HR: variants seen among roughly 807,000 people sequenced by gnomAD.
HR encodes the protein lysine-specific demethylase hairless.
In HR, 83 loss-of-function variants were observed where a neutral mutation model predicts 128.6. The observed-to-expected ratio is 0.65, with a 90% CI of 0.54 to 0.77. HR has a LOEUF of 0.77. HR is among the 30% of genes least tolerant of loss of function. The pLI is 0.00. For missense variants in HR, 1,490 were observed against 1,574.6 expected (o/e 0.95, Z 0.91); for synonymous variants, 681 against 658.2 (o/e 1.03, Z -0.53).
Position 22,116,245 on chromosome 8 carries a change from G to A in HR, c.3507+55C>T, listed in dbSNP as rs528816582. 3.4e-5 allele frequency: 54 copies of A among 1,610,266 alleles called. 1 individual carries two copies. The South Asian group carries it at 5.5e-4, about 16-fold the overall frequency. On this transcript the variant is annotated intron_variant, in intron 18 of 18. Coordinates refer to ENST00000381418, the MANE Select transcript of HR (RefSeq NM_005144.5). The surrounding 1 kb of genome is among the most constrained non-coding windows in gnomAD (Gnocchi z 4.2). ...CTATGTCCACTGCAGCTGTGGCACA[G>A]GGAGGTGGGAGGCTTGGGTAGCACA... is the stretch of plus-strand genomic sequence containing the variant.
At chr8:22,117,272 G>C in intron 16 of HR, 1 of 513,072 alleles carries the variant, frequency 1.9e-6, no homozygotes, top group Middle Eastern at 4.9e-4. Context: ...AGGCCCTACA[G>C]TTGGGCAGAC....
At chr8:22,118,598 C>A in intron 16 of HR, 1 of 333,250 alleles carries the variant, frequency 3.0e-6, no homozygotes, top group South Asian at 3.6e-5. Context: ...GTGTTCTCAT[C>A]TGCCAATGGG....
Position 22,115,769 on chromosome 8 carries a change from A to G in HR, c.3508-7T>C, listed in dbSNP as rs1436732126. On this transcript the variant is annotated splice_region_variant and splice_polypyrimidine_tract_variant and intron_variant, in intron 18 of 18. Transcript: ENST00000381418. ...GGAACACAGCCCAGTCCATCTAGGA[A>G]AAAGAGAGAGGACAAAGCATTTTCA... 2.5e-6 allele frequency: 4 copies of G among 1,613,758 alleles called. No homozygotes were observed. Among genetic ancestry groups the G allele is most frequent in the Admixed American group, 1.7e-5 (1 of 59,984 alleles).
chr8:22,116,409 G>C lies in HR; in HGVS notation c.3398C>G (p.Thr1133Arg). 1.2e-6 allele frequency: 2 copies of C among 1,613,824 alleles called. No homozygotes were observed. Among genetic ancestry groups the C allele is most frequent in the Non-Finnish European group, 1.7e-6 (2 of 1,179,926 alleles). The change falls in exon 18 of 19, where the codon ACA (threonine) becomes AGA (arginine). Residue 1133 changes from threonine (T) to arginine (R), a missense_variant. By Grantham distance (71) the Thr-to-Arg change is moderately conservative. Around this residue, in one of 3 missense-constraint regions of HR, gnomAD observed 423 missense variants for 495.9 expected, o/e 0.85. Coordinates refer to ENST00000381418, the MANE Select transcript of HR (RefSeq NM_005144.5). This position sits in a 1 kb window ranked among gnomAD's most constrained non-coding sequence, Gnocchi z 4.2. Reference protein sequence around the residue: ...APHQVQGLVSTVSVTQHFLSP... With the variant: ...APHQVQGLVSRVSVTQHFLSP... ...GAGGAAGTGCTGAGTGACGCTGACT[G>C]TGCTCACCAGGCCCTGCACCTGTGT...
In HR at chr8:22,125,749, G is replaced by T; in HGVS notation, c.1406-17C>A. On this transcript the variant is annotated splice_polypyrimidine_tract_variant and intron_variant, in intron 3 of 18. Transcript: ENST00000381418. ...CTTGGGGTCCTGAGGGGACAATGCA[G>T]AGGTCAGGAATCTGGGTTTCTTGGG... 6.2e-7 allele frequency: 1 copy of T among 1,613,192 alleles called. No individual in the cohort carries two copies. Among genetic ancestry groups the T allele is most frequent in the South Asian group, 1.1e-5 (1 of 90,962 alleles).
intron 5 of HR, among the ~76,000 whole-genome samples, chr8:22,124,308 C>T (rs921709991): frequency 6.6e-6 from 1 of 152,214 alleles, no homozygotes; most frequent in African/African-American, 2.4e-5. Context: ...CAGCTCACTG[C>T]AGCCTCCATC....
intron 6 of HR, 32 bp downstream of exon 6, chr8:22,123,617 T>TTGGGCCCCCCCCC: frequency 3.4e-6 from 1 of 292,092 alleles, no homozygotes; most frequent in Non-Finnish European, 6.2e-6. Flanking sequence ...GAGGGCTCCA[T>TTGGGCCCCCCCCC]CCCGCCCTCC....
rs745947797 is a variant in HR, at chr8:22,121,603, A to T, written c.2203+10T>A. 6.2e-7 allele frequency: 1 copy of T among 1,613,410 alleles called. No homozygotes were observed. Among genetic ancestry groups the T allele is most frequent in the South Asian group, 1.1e-5 (1 of 91,046 alleles). ...CTTGCACAGGCCGAGGGGCAAGAGG[A>T]GCCGCTCACCCTCTTTGATGCTCTT... On this transcript the variant is annotated intron_variant, in intron 9 of 18. Transcript: ENST00000381418.
At chr8:22,126,120 C>T (rs1451199412) in intron 3 of HR, among the ~76,000 whole-genome samples, 1 of 152,186 alleles carries the variant, frequency 6.6e-6, no homozygotes, top group South Asian at 2.1e-4. Context: ...CCAACGTGGA[C>T]GGAGGGCGCC....
rs1043972025 is a variant in HR at position 22,120,860 on chromosome 8, C to G, written c.2466G>C (p.Pro822=). ...GCAGGCCCAGGCCCTTGCGCAGACCCGGGCCAGCTCGAAGCCCCGGCCCCA... is the reference window on the plus strand; with the variant it reads ...GCAGGCCCAGGCCCTTGCGCAGACCGGGGCCAGCTCGAAGCCCCGGCCCCA... ...KALGPGLRAG[P]GLRKGLGLPL... is the part of the protein sequence containing the mutation. The change falls in exon 11 of 19, where the codon CCG becomes CCC. Residue 822 remains proline, a synonymous_variant. Transcript: ENST00000381418. 6 of 1,551,816 alleles carry G rather than the reference C, an allele frequency of 3.9e-6. No individual in the cohort carries two copies. Among genetic ancestry groups the G allele is most frequent in the Non-Finnish European group, 5.2e-6 (6 of 1,147,740 alleles).
Position 22,127,029 on chromosome 8 carries a change from C to T in HR, c.1405+8G>A, listed in dbSNP as rs780701473. The T allele has an allele frequency of 3.7e-6, 6 of 1,610,948 alleles. No individual in the cohort carries two copies. The highest frequency in any genetic ancestry group is 5.1e-6 in the Non-Finnish European group (6 of 1,179,334). ...CGCAGGGCCTGCAGCCCCTCCTGGC[C>T]CCCTTACCTTTCTGCTCATCATGCT... On this transcript the variant is annotated splice_region_variant and intron_variant, in intron 3 of 18. Coordinates refer to ENST00000381418, the MANE Select transcript of HR (RefSeq NM_005144.5).
intron 3 of HR, 73 bp downstream of exon 3, chr8:22,126,964 C>G: frequency 6.8e-7 from 1 of 1,474,456 alleles, no homozygotes; most frequent in Non-Finnish European, 9.2e-7. Context: ...CCTACAGACC[C>G]CGCCCCATGC....
In HR at chr8:22,119,124, T is replaced by C. The variant is rs766243114; in HGVS notation, c.3097+40A>G. 3.2e-5 allele frequency: 51 copies of C among 1,613,536 alleles called. No individual in the cohort carries two copies. The South Asian group carries it at 5.5e-4, about 17-fold the overall frequency. ...GCTGGTGGCGACAAACACTCACCTC[T>C]GTAGCTTGTCCCCGCTCCTGCCTCT... On this transcript the variant is annotated intron_variant, in intron 15 of 18. Transcript: ENST00000381418.
At position 22,129,123 on chromosome 8, in the gene HR, C is replaced by A; in HGVS notation, c.48G>T (p.Lys16Asn). Residue 16 changes from lysine to asparagine, a missense_variant, in exon 2 of 19, where the codon AAG (lysine) becomes AAT (asparagine). Transcript: ENST00000381418. ...SFLKGTPTWE[K>N]TAPENGIVRQ... ...TCACGATGCCGTTCTCTGGGGCCGT[C>A]TTCTCCCAGGTTGGGGTGCCCTTCA... 1 of 1,562,984 alleles carries A rather than the reference C, an allele frequency of 6.4e-7. No homozygotes were observed. The highest frequency in any genetic ancestry group is 8.6e-7 in the Non-Finnish European group (1 of 1,157,188).
At chr8:22,120,558 C>T (rs774827634) in intron 11 of HR, 51 bp from the exon 12 acceptor site, 4 of 1,609,174 alleles carry the variant, frequency 2.5e-6, no homozygotes, top group Admixed American at 1.7e-5. Flanking sequence ...GGGTGCCCGC[C>T]ATGGCCAGGC....
intron 16 of HR, 61 bp from the exon 17 acceptor site, chr8:22,117,100 T>C: frequency 7.0e-7 from 1 of 1,426,660 alleles, no homozygotes. Context: ...TGCAGGAGGA[T>C]GGGGCATGGA....
In HR at chr8:22,121,122, G is replaced by A; in HGVS notation, c.2310C>T (p.Cys770=). The A allele has an allele frequency of 6.2e-7, 1 of 1,613,920 alleles. No individual in the cohort carries two copies. The highest frequency in any genetic ancestry group is 1.3e-5 in the African/African-American group (1 of 75,082). The change falls in exon 10 of 19, where the codon TGC becomes TGT. Residue 770 remains cysteine (C), a synonymous_variant. Coordinates refer to ENST00000381418, the MANE Select transcript of HR (RefSeq NM_005144.5). Reference sequence around the variant, plus strand: ...CCATGTGTATTCGCTCATGGCCCAAGCAGAGTTTGACCGCGGTAGAAGCCA... The same window carrying A: ...CCATGTGTATTCGCTCATGGCCCAAACAGAGTTTGACCGCGGTAGAAGCCA... ...ELLASTAVKL[C]LGHERIHMAF... is the part of the protein sequence containing the mutation.
At chr8:22,121,804 T>A in intron 8 of HR, 110 bp from the exon 9 acceptor site, 1 of 1,166,798 alleles carries the variant, frequency 8.6e-7, no homozygotes, top group Non-Finnish European at 1.3e-6. Context: ...AGTCCTAAAA[T>A]CGTGTTTATA....
intron 3 of HR, 131 bp downstream of exon 3, chr8:22,126,906 C>T (rs921303277): frequency 8.0e-6 from 7 of 873,570 alleles, no homozygotes; most frequent in South Asian, 5.2e-5. Flanking sequence ...AGAGAGCCCT[C>T]GTGATCCAGG....
Sources: allele counts gnomAD v4.1 joint callset (sites outside exome capture counted in the v4.1 genomes callset), GRCh38; gene constraint gnomAD v4.1.1; regional missense constraint gnomAD v4.1.1; non-coding constraint Gnocchi (gnomAD v3.1); transcripts MANE v1.5; gene names NCBI Gene and HGNC (gene_info 2026-07-23, HGNC 2026-07-21).